IGFN1: variants seen among roughly 807,000 people sequenced by gnomAD.
IGFN1 encodes the protein immunoglobulin-like and fibronectin type III domain-containing protein 1.
Under a neutral mutation model 289.5 loss-of-function variants are expected in IGFN1, and 253 were observed. The ratio of observed to expected loss-of-function variants is 0.87; its 90% CI spans 0.79 to 0.97. IGFN1 has a LOEUF of 0.97. Ranked by LOEUF, IGFN1 falls within the 50% of genes least tolerant of loss-of-function variation. The probability of loss-of-function intolerance (pLI) is 0.00; values close to 1 mark genes in which losing one functional copy is unlikely to be tolerated. For synonymous variants in IGFN1, 1,706 were observed against 1,788.5 expected (o/e 0.95, Z 1.16); for missense variants, 4,470 against 4,686.1 (o/e 0.95, Z 1.35).
chr1:201,199,476 G>A, intron 6 of IGFN1, 98 bp downstream of exon 6: 7 of 1,409,826 alleles, frequency 5.0e-6, no homozygotes, highest in Non-Finnish European at 6.9e-6. Context: ...TGAACACCTT[G>A]TGGATCACCA....
chr1:201,228,416 G>A lies in IGFN1; in HGVS notation c.*17G>A. ...AGCACCTAGCCTCACCTCACCCTGG[G>A]ATGGTCCTGGACCCTTGAAGCTTCA... On this transcript the variant is annotated 3_prime_UTR_variant, in exon 24 of 24. Transcript: ENST00000335211. 6.2e-7 allele frequency: 1 copy of A among 1,613,690 alleles called. No individual in the cohort carries two copies. The highest frequency in any genetic ancestry group is 8.5e-7 in the Non-Finnish European group (1 of 1,179,604).
At chr1:201,223,399 C>CTCACTG (rs1436456064) in intron 20 of IGFN1, among the ~76,000 whole-genome samples, 2 of 139,954 alleles carry the variant, frequency 1.4e-5, no homozygotes, top group Non-Finnish European at 3.1e-5. Context: ...GAGATGGAGT[C>CTCACTG]TCACTCTGTC....
At position 201,200,232 on chromosome 1, in the gene IGFN1, C is replaced by T; in HGVS notation, c.459-5C>T. 3 of 1,550,926 alleles carry T rather than the reference C, an allele frequency of 1.9e-6. No individual in the cohort carries two copies. The highest frequency in any genetic ancestry group is 2.4e-5 in the East Asian group (1 of 40,914). ...GGCCTCTGACCTGCTAGCCTTGCTCCCCAGGGCCCCACCAGCCCCCAAGAA... is the reference window on the plus strand; with the variant it reads ...GGCCTCTGACCTGCTAGCCTTGCTCTCCAGGGCCCCACCAGCCCCCAAGAA... On this transcript the variant is annotated splice_region_variant and splice_polypyrimidine_tract_variant and intron_variant, in intron 7 of 23. Coordinates refer to ENST00000335211, the MANE Select transcript of IGFN1 (RefSeq NM_001164586.2).
In IGFN1 at chr1:201,208,326, T is replaced by C. The variant is rs759973849; in HGVS notation, c.3433T>C (p.Ser1145Pro). Residue 1145 changes from serine (S) to proline (P), a missense_variant, in exon 12 of 24, where the codon TCT (serine) becomes CCT (proline). This residue lies in a region of IGFN1 where 2,011 missense variants were observed against 1,953.4 expected (regional missense o/e 1.03). Coordinates refer to ENST00000335211, the MANE Select transcript of IGFN1 (RefSeq NM_001164586.2). The part of the protein sequence containing the change: ...AFGEGGYEDG[S>P]GGPGAMGPGS... ...TGGAGAAGGAGGCTATGAAGATGGC[T>C]CTGGGGGTCCAGGAGCCATGGGACC... 385 of 1,503,750 alleles carry C rather than the reference T, an allele frequency of 2.6e-4. 1 individual carries two copies. The highest frequency in any genetic ancestry group is 3.2e-4 in the Non-Finnish European group (367 of 1,135,342). The allele number at this position is 1,503,750 out of a possible 1,614,324, so 93.2% of individuals were successfully genotyped here. A position where few individuals can be genotyped will look rare whatever the true frequency, so the allele number is the denominator to read the frequency against.
Position 201,214,270 on chromosome 1 carries a change from G to GACCTGGC in IGFN1, c.8829_8835dup (p.Phe2946HisfsTer4), listed in dbSNP as rs765370063. On this transcript the variant is annotated frameshift_variant, in exon 13 of 24. Transcript: ENST00000335211. LOFTEE classifies it high-confidence loss of function. ...TCCTGTACCCTCACCAGTGACCTGGGACCTGGCACCTGGTTTAAGGATGGC... is the reference window on the plus strand; with the variant it reads ...TCCTGTACCCTCACCAGTGACCTGGGACCTGGCACCTGGCACCTGGTTTAAGGATGGC... 1 of 1,612,984 alleles carries GACCTGGC rather than the reference G, an allele frequency of 6.2e-7. No homozygotes were observed. The highest frequency in any genetic ancestry group is 8.5e-7 in the Non-Finnish European group (1 of 1,179,264).
chr1:201,211,298 G>T lies in IGFN1; in HGVS notation c.6405G>T (p.Gly2135=), dbSNP rs1267476024. Reference sequence around the variant, plus strand: ...GTTTAGGGAGTTCTACAGAAATGGGGTCAGTGAATGAGGCAGGTTATAGGA... The same window carrying T: ...GTTTAGGGAGTTCTACAGAAATGGGTTCAGTGAATGAGGCAGGTTATAGGA... ...RDGLGSSTEM[G]SVNEAGYRKD... The change falls in exon 12 of 24, where the codon GGG becomes GGT. Residue 2135 remains glycine (G), a synonymous_variant. Coordinates refer to ENST00000335211, the MANE Select transcript of IGFN1 (RefSeq NM_001164586.2). 3.9e-6 allele frequency: 6 copies of T among 1,531,154 alleles called. No individual in the cohort carries two copies. In the South Asian group the frequency reaches 4.8e-5, roughly 12 times the overall value. 94.8% of individuals were successfully genotyped at this position (1,531,154 alleles called of 1,614,324 possible). A position where few individuals can be genotyped will look rare whatever the true frequency, so the allele number is the denominator to read the frequency against.
chr1:201,201,831 A>G lies in IGFN1; in HGVS notation c.746A>G (p.Lys249Arg). The part of the protein sequence containing the change: ...KDSQSKIYLY[K>R]DGEMIPYGFN... ...TCTCAGAGCAAGATTTACCTGTATA[A>G]GGTGAGGCTGGAGGGGCTATGGGTG... The change falls in exon 9 of 24, where the codon AAG becomes AGG. Residue 249 changes from lysine to arginine, a missense_variant and splice_region_variant. Lys to Arg is a conservative substitution (Grantham distance 26). Coordinates refer to ENST00000335211, the MANE Select transcript of IGFN1 (RefSeq NM_001164586.2). 4 of 1,003,492 alleles carry G rather than the reference A, an allele frequency of 4.0e-6. No individual in the cohort carries two copies. Among genetic ancestry groups the G allele is most frequent in the Non-Finnish European group, 5.9e-6 (4 of 676,552 alleles). 62.2% of individuals were successfully genotyped at this position (1,003,492 alleles called of 1,614,324 possible).
chr1:201,206,534 C>A lies in IGFN1; in HGVS notation c.1641C>A (p.Ser547Arg). ...EKQQQDRGRD[S>R]NSDECWRKAG... ...AACAGCAAGATCGTGGCAGAGACAG[C>A]AACAGTGATGAATGCTGGAGGAAAG... The change falls in exon 12 of 24, where the codon AGC becomes AGA. Residue 547 changes from serine to arginine, a missense_variant. By Grantham distance (110) the Ser-to-Arg change is moderately radical. Transcript: ENST00000335211. 2 of 1,551,078 alleles carry A rather than the reference C, an allele frequency of 1.3e-6. No homozygotes were observed. Among genetic ancestry groups the A allele is most frequent in the Non-Finnish European group, 1.7e-6 (2 of 1,146,986 alleles).
At position 201,208,888 on chromosome 1, in the gene IGFN1, A is replaced by G. The variant is rs768992315; in HGVS notation, c.3995A>G (p.Glu1332Gly). 101 of 1,536,442 alleles carry G rather than the reference A, an allele frequency of 6.6e-5. No homozygotes were observed. The highest frequency in any genetic ancestry group is 8.4e-5 in the Non-Finnish European group (96 of 1,146,776). ...AGYRKDLGAP[E>G]GISSGSKADY... ...TATAGGAAAGATTTAGGGGCTCCTG[A>G]GGGAATAAGTTCAGGGAGCAAGGCA... is the stretch of plus-strand genomic sequence containing the variant. Residue 1332 changes from glutamate to glycine, a missense_variant, in exon 12 of 24, where the codon GAG becomes GGG. By Grantham distance (98) the Glu-to-Gly change is moderately conservative (BLOSUM62 -2). Transcript: ENST00000335211.
In IGFN1 at chr1:201,211,800, G is replaced by A. The variant is rs371590741; in HGVS notation, c.6907G>A (p.Gly2303Ser). The part of the protein sequence containing the change: ...SGRNPLGSEA[G>S]SRGSLEDSGY... The stretch of plus-strand genomic sequence containing the variant: ...GAGGAATCCATTAGGGAGCGAGGCA[G>A]GTTCTAGGGGTAGTTTGGAGGATTC... Residue 2303 changes from glycine to serine, a missense_variant, in exon 12 of 24, where the codon GGT becomes AGT. By Grantham distance (56) the Gly-to-Ser change is moderately conservative (BLOSUM62 0). This residue lies in a region of IGFN1 where 2,218 missense variants were observed against 2,114.1 expected (regional missense o/e 1.05). Coordinates refer to ENST00000335211, the MANE Select transcript of IGFN1 (RefSeq NM_001164586.2). 3 of 1,536,838 alleles carry A rather than the reference G, an allele frequency of 2.0e-6. No individual in the cohort carries two copies. Among genetic ancestry groups the A allele is most frequent in the East Asian group, 2.4e-5 (1 of 40,916 alleles).
chr1:201,214,039 A>G, intron 12 of IGFN1, 138 bp from the exon 13 acceptor site: 1 of 852,284 alleles, frequency 1.2e-6, no homozygotes, highest in Non-Finnish European at 1.7e-6. Context: ...ATTGGAGCCA[A>G]GATAGCATAG....
chr1:201,209,383 A>G lies in IGFN1; in HGVS notation c.4490A>G (p.Lys1497Arg). The change falls in exon 12 of 24, where the codon AAA becomes AGA. Residue 1497 changes from lysine (K) to arginine (R), a missense_variant. Around this residue, in one of 8 missense-constraint regions of IGFN1, gnomAD observed 2,011 missense variants for 1,953.4 expected, o/e 1.03. Coordinates refer to ENST00000335211, the MANE Select transcript of IGFN1 (RefSeq NM_001164586.2). ...EMGLIEAGYR[K>R]DLGVSEGGGS... ...GGGTTAATTGAGGCAGGCTATAGGAAAGATTTGGGGGTTTCTGAGGGAGGG... is the reference window on the plus strand; with the variant it reads ...GGGTTAATTGAGGCAGGCTATAGGAGAGATTTGGGGGTTTCTGAGGGAGGG... The G allele has an allele frequency of 6.6e-7, 1 of 1,512,040 alleles. No individual in the cohort carries two copies. Among genetic ancestry groups the G allele is most frequent in the Non-Finnish European group, 8.8e-7 (1 of 1,136,414 alleles). The allele number at this position is 1,512,040 out of a possible 1,614,324, so 93.7% of individuals were successfully genotyped here.
Position 201,225,882 on chromosome 1 carries a change from G to T in IGFN1, c.10545G>T (p.Thr3515=), listed in dbSNP as rs147078170. 1 of 1,612,916 alleles carries T rather than the reference G, an allele frequency of 6.2e-7. No homozygotes were observed. The highest frequency in any genetic ancestry group is 8.5e-7 in the Non-Finnish European group (1 of 1,179,666). Residue 3515 remains threonine, a synonymous_variant, in exon 22 of 24, where the codon ACG becomes ACT. Transcript: ENST00000335211. Reference sequence around the variant, plus strand: ...AGGAGAACGTGCCTGGGACGGTGACGGCCGAGTGGGAACCCTCTCCTGACG... The same window carrying T: ...AGGAGAACGTGCCTGGGACGGTGACTGCCGAGTGGGAACCCTCTCCTGACG... ...HLQENVPGTV[T]AEWEPSPDEA... is the part of the protein sequence containing the mutation.
Position 201,212,772 on chromosome 1 carries a change from C to T in IGFN1, c.7879C>T (p.Pro2627Ser). 6.4e-7 allele frequency: 1 copy of T among 1,551,502 alleles called. No homozygotes were observed. The highest frequency in any genetic ancestry group is 2.4e-5 in the East Asian group (1 of 40,910). The change falls in exon 12 of 24, where the codon CCT becomes TCT. Residue 2627 changes from proline (P) to serine (S), a missense_variant. Coordinates refer to ENST00000335211, the MANE Select transcript of IGFN1 (RefSeq NM_001164586.2). Reference protein sequence around the residue: ...DRQGTSNAWAPDWENQGFSQG... With the variant: ...DRQGTSNAWASDWENQGFSQG... ...ACAAGGGACGAGCAATGCTTGGGCT[C>T]CTGATTGGGAAAACCAGGGGTTTAG...
rs183915648 is a variant in IGFN1 at position 201,209,475 on chromosome 1, G to A, written c.4582G>A (p.Ala1528Thr). Reference protein sequence around the residue: ...GSGEMGSVDKAGYRKDLGASE... With the variant: ...GSGEMGSVDKTGYRKDLGASE... ...TGGGGAAATGGGGTCTGTGGATAAG[G>A]CAGGCTATAGGAAGGATTTGGGGGC... is the stretch of plus-strand genomic sequence containing the variant. Residue 1528 changes from alanine (A) to threonine (T), a missense_variant, in exon 12 of 24, where the codon GCA becomes ACA. Physicochemically the swap from Ala to Thr is moderately conservative, Grantham distance 58. This residue lies in a region of IGFN1 where 2,011 missense variants were observed against 1,953.4 expected (regional missense o/e 1.03). Coordinates refer to ENST00000335211, the MANE Select transcript of IGFN1 (RefSeq NM_001164586.2). 1.3e-6 allele frequency: 2 copies of A among 1,536,578 alleles called. No individual in the cohort carries two copies. The highest frequency in any genetic ancestry group is 2.4e-5 in the East Asian group (1 of 40,902).
intron 4 of IGFN1, 24 bp downstream of exon 4, chr1:201,196,002 GACCAGGGTCT>G (rs1219139637): frequency 6.5e-7 from 1 of 1,549,402 alleles, no homozygotes; most frequent in African/African-American, 1.4e-5. Flanking sequence ...CTCTTCCCCT[GACCAGGGTCT>G]ACTCGTCTTT....
rs986459142 is a variant in IGFN1, at chr1:201,206,633, C to A, written c.1740C>A (p.His580Gln). The A allele has an allele frequency of 5.2e-6, 8 of 1,539,982 alleles. No homozygotes were observed. In the African/African-American group the frequency reaches 9.6e-5, roughly 18 times the overall value. Reference protein sequence around the residue: ...GLGSSREGKEHRGDSGRQLDR... With the variant: ...GLGSSREGKEQRGDSGRQLDR... ...GGAGCAGCAGGGAAGGAAAGGAGCA[C>A]AGAGGGGACAGTGGAAGACAACTGG... Residue 580 changes from histidine (H) to glutamine (Q), a missense_variant, in exon 12 of 24, where the codon CAC becomes CAA. His to Gln is a conservative substitution (Grantham distance 24). Around this residue, in one of 8 missense-constraint regions of IGFN1, gnomAD observed 2,011 missense variants for 1,953.4 expected, o/e 1.03. Coordinates refer to ENST00000335211, the MANE Select transcript of IGFN1 (RefSeq NM_001164586.2).
At chr1:201,226,568 C>A (rs1369941177) in intron 22 of IGFN1, among the ~76,000 whole-genome samples, 1 of 152,198 alleles carries the variant, frequency 6.6e-6, no homozygotes, top group African/African-American at 2.4e-5. Context: ...GAAAGCTCTA[C>A]ACCAGAATGT....
At chr1:201,196,427 C>T (rs1666920117) in intron 4 of IGFN1, among the ~76,000 whole-genome samples, 1 of 152,198 alleles carries the variant, frequency 6.6e-6, no homozygotes. Flanking sequence ...TCTCTGCAAC[C>T]TCCACCTCCC....
Sources: allele counts gnomAD v4.1 joint callset (sites outside exome capture counted in the v4.1 genomes callset), GRCh38; gene constraint gnomAD v4.1.1; regional missense constraint gnomAD v4.1.1; transcripts MANE v1.5; gene names NCBI Gene and HGNC (gene_info 2026-07-23, HGNC 2026-07-21).